The following PTPRN2 variants were observed in gnomAD, a reference collection of about 807,000 sequenced individuals.
PTPRN2 encodes receptor-type tyrosine-protein phosphatase N2.
In PTPRN2, 74 loss-of-function variants were observed where a neutral mutation model predicts 118.8. The observed-to-expected ratio is 0.62, with a 90% CI of 0.52 to 0.76. The LOEUF (loss-of-function observed/expected upper bound fraction) is 0.76. PTPRN2 is among the 30% of genes least tolerant of loss of function. PTPRN2 has a pLI of 0.00. For missense variants in PTPRN2, 1,481 were observed against 1,394.4 expected, an observed-to-expected ratio of 1.06 and a Z score of -0.99; for synonymous variants, 641 against 608.0, an observed-to-expected ratio of 1.05 and a Z score of -0.80.
In PTPRN2 at chr7:157,614,096, A is replaced by G. The variant is rs1423062250; in HGVS notation, c.2344+7266T>C. 6.4e-6 allele frequency: 3 copies of G among 471,226 alleles called. No individual in the cohort carries two copies. The Admixed American group carries it at 7.1e-5, about 11-fold the overall frequency. The allele number at this position is 471,226 out of a possible 1,614,324, so 29.2% of individuals were successfully genotyped here. A position where few individuals can be genotyped will look rare whatever the true frequency, so the allele number is the denominator to read the frequency against. On this transcript the variant is annotated intron_variant, in intron 15 of 22. Coordinates refer to ENST00000389418, the MANE Select transcript of PTPRN2 (RefSeq NM_002847.5). ...GCCAATCAGAACACAGGGAACCATG[A>G]AAGAGGTGGGAGGAGGAAAAAGGAG...
intron 12 of PTPRN2, among the ~76,000 whole-genome samples, chr7:157,895,050 CT>C (rs746665233): frequency 0.012 from 1,797 of 150,808 alleles, 33 homozygotes; most frequent in Non-Finnish European, 0.017. Context: ...AAGAGGACCC[CT>C]CCCCCACAGG....
At chr7:157,888,879 G>A (rs1796637525) in intron 12 of PTPRN2, among the ~76,000 whole-genome samples, 1 of 152,132 alleles carries the variant, frequency 6.6e-6, no homozygotes, top group Non-Finnish European at 1.5e-5. Flanking sequence ...AAGGTAAAAT[G>A]AGATAGAACT....
chr7:157,854,005 T>C (rs1471127621), intron 12 of PTPRN2, among the ~76,000 whole-genome samples: 3 of 152,118 alleles, frequency 2.0e-5, no homozygotes, highest in Non-Finnish European at 2.9e-5. Context: ...GACAGATTCT[T>C]CTCCGAGGGC....
chr7:157,948,691 G>A (rs1022614901), intron 11 of PTPRN2, among the ~76,000 whole-genome samples: 3 of 152,052 alleles, frequency 2.0e-5, no homozygotes, highest in Non-Finnish European at 4.4e-5. Flanking sequence ...GACCAACTAC[G>A]GGTTGAATAT....
At chr7:157,959,945 G>C (rs1801415376) in intron 11 of PTPRN2, among the ~76,000 whole-genome samples, 1 of 152,112 alleles carries the variant, frequency 6.6e-6, no homozygotes, top group South Asian at 2.1e-4. Context: ...TGCCCATCAG[G>C]GGAAGAACAG....
intron 3 of PTPRN2, 69 bp downstream of exon 3, chr7:158,316,750 G>A: frequency 8.4e-7 from 1 of 1,195,130 alleles, no homozygotes; most frequent in Non-Finnish European, 1.2e-6. Context: ...CACCGCCCAG[G>A]AGGAGAAGCC....
rs550093798 is a variant in PTPRN2, at chr7:157,880,211, G to A, written c.1788+18462C>T. ...AATTTGTTTGCGTTCACTTAGAGAC[G>A]ATCTGTAAATTAGCAGCTTCACAAT... On this transcript the variant is annotated intron_variant, in intron 12 of 22. Transcript: ENST00000389418. 5.8e-4 allele frequency among the ~76,000 whole-genome samples: 88 copies of A among 152,246 alleles called. 1 individual carries two copies. Among genetic ancestry groups the A allele is most frequent in the Middle Eastern group, 6.8e-3 (2 of 294 alleles).
rs188282800 is a variant in PTPRN2, at chr7:157,712,193, C to T, written c.1789-29256G>A. ...ACACAGGTACTGCTGGCTGGGAATG[C>T]GGGTCTGGGGTTGCTCAGATCTTTG... On this transcript the variant is annotated intron_variant, in intron 12 of 22. Coordinates refer to ENST00000389418, the MANE Select transcript of PTPRN2 (RefSeq NM_002847.5). Among the ~76,000 whole-genome samples the T allele has an allele frequency of 5.6e-4, 85 of 152,186 alleles. No homozygotes were observed. In the East Asian group the frequency reaches 8.3e-3, roughly 15 times the overall value.
rs1045181728 is a variant in PTPRN2 at position 157,611,808 on chromosome 7, C to T, written c.2345-7733G>A. 2.0e-5 allele frequency among the ~76,000 whole-genome samples: 3 copies of T among 147,562 alleles called. No individual in the cohort carries two copies. The highest frequency in any genetic ancestry group is 4.5e-5 in the Non-Finnish European group (3 of 66,672). The stretch of plus-strand genomic sequence containing the variant: ...TGGGGACACGCGGAGGGAGAGCGCC[C>T]GTGTGAAGACGAAGACAGCCGCAGT... On this transcript the variant is annotated intron_variant, in intron 15 of 22. Transcript: ENST00000389418. This position sits in a 1 kb window ranked among gnomAD's most constrained non-coding sequence, Gnocchi z 5.9.
chr7:158,527,363 G>C (rs1824865528), intron 1 of PTPRN2, among the ~76,000 whole-genome samples: 1 of 152,180 alleles, frequency 6.6e-6, no homozygotes. Flanking sequence ...GACAGGGCCA[G>C]CCTGCGTCTC....
At chr7:158,167,952 ATGC>A (rs1427902743) in intron 5 of PTPRN2, among the ~76,000 whole-genome samples, 2 of 152,226 alleles carry the variant, frequency 1.3e-5, no homozygotes, top group African/African-American at 4.8e-5. Context: ...ATTTTGAATA[ATGC>A]TGCTATGAGT....
In PTPRN2 at chr7:157,615,791, T is replaced by G; in HGVS notation, c.2344+5571A>C. The G allele has an allele frequency of 2.7e-6, 1 of 364,132 alleles. No individual in the cohort carries two copies. The highest frequency in any genetic ancestry group is 2.0e-5 in the South Asian group (1 of 49,124). 22.6% of individuals were successfully genotyped at this position (364,132 alleles called of 1,614,324 possible). ...ACAGGAGATGAACACAAGGCTCGAT[T>G]CTCCTGTTAAACTTGACTGTCACCA... On this transcript the variant is annotated intron_variant, in intron 15 of 22. Coordinates refer to ENST00000389418, the MANE Select transcript of PTPRN2 (RefSeq NM_002847.5). This position sits in a 1 kb window ranked among gnomAD's most constrained non-coding sequence, Gnocchi z 4.3.
chr7:158,011,882 T>G lies in PTPRN2; in HGVS notation c.1723+69416A>C, dbSNP rs145971588. ...TGGATTAGTTGGTCATAGATTGTTA[T>G]TTTACACTGAGGTGCTTTTTCCCCA... On this transcript the variant is annotated intron_variant, in intron 11 of 22. Transcript: ENST00000389418. Among the ~76,000 whole-genome samples the G allele has an allele frequency of 3.4e-4, 52 of 152,336 alleles. No homozygotes were observed. The South Asian group carries it at 3.7e-3, about 11-fold the overall frequency.
At chr7:157,961,314 T>C (rs1055726980) in intron 11 of PTPRN2, among the ~76,000 whole-genome samples, 27 of 152,006 alleles carry the variant, frequency 1.8e-4, no homozygotes, top group African/African-American at 6.3e-4. Context: ...GGTGGATCAC[T>C]TGAGGCCAGG....
At chr7:158,460,013 C>G (rs1325153640) in intron 2 of PTPRN2, among the ~76,000 whole-genome samples, 4 of 60,890 alleles carry the variant, frequency 6.6e-5, no homozygotes. Flanking sequence ...ACATGCTCCT[C>G]CTAGAGGGGC....
chr7:158,483,314 G>A (rs752065852), intron 2 of PTPRN2, among the ~76,000 whole-genome samples: 2 of 152,190 alleles, frequency 1.3e-5, no homozygotes, highest in Admixed American at 6.5e-5. Flanking sequence ...TGAGGGCTAT[G>A]GGGGTGTCTC....
chr7:157,981,944 T>C (rs111239488), intron 11 of PTPRN2, among the ~76,000 whole-genome samples: 4,010 of 151,758 alleles, frequency 0.026, 168 homozygotes, highest in African/African-American at 0.092. Context: ...CCCTGAGTCA[T>C]AAAGATGAGG....
At chr7:158,131,158 G>A (rs202203160) in intron 9 of PTPRN2, among the ~76,000 whole-genome samples, 90 of 46,698 alleles carry the variant, frequency 1.9e-3, no homozygotes, top group African/African-American at 0.015. Flanking sequence ...ACAAATACCC[G>A]AAGATGCACA....
Position 157,785,457 on chromosome 7 carries a change from G to T in PTPRN2, c.1789-102520C>A, listed in dbSNP as rs1803973961. 6.6e-6 allele frequency among the ~76,000 whole-genome samples: 1 copy of T among 152,168 alleles called. No individual in the cohort carries two copies. Among genetic ancestry groups the T allele is most frequent in the Admixed American group, 6.5e-5 (1 of 15,284 alleles). On this transcript the variant is annotated intron_variant, in intron 12 of 22. Coordinates refer to ENST00000389418, the MANE Select transcript of PTPRN2 (RefSeq NM_002847.5). This position sits in a 1 kb window ranked among gnomAD's most constrained non-coding sequence, Gnocchi z 7.3. The stretch of plus-strand genomic sequence containing the variant: ...GGGGCAGGGCTCAGAGGGGCCCCAG[G>T]CCGGCCCCACTCCCAGACTAGAGCC...
Sources: gnomAD v4.1 joint callset for allele counts (sites outside exome capture counted in the v4.1 genomes callset) on GRCh38, gnomAD v4.1.1 for gene constraint, Gnocchi (gnomAD v3.1) non-coding constraint, MANE v1.5 for transcripts, NCBI Gene and HGNC (gene_info 2026-07-23, HGNC 2026-07-21) for gene names.